KCNN3: variants seen among roughly 807,000 people sequenced by gnomAD.
KCNN3 encodes small conductance calcium-activated potassium channel protein 3.
In KCNN3, 16 loss-of-function variants were observed where a neutral mutation model predicts 62.9. That is an observed-to-expected ratio of 0.25 (90% CI 0.17 to 0.39). The LOEUF is 0.39. Among genes scored for constraint, KCNN3 ranks in the 10% least tolerant of loss-of-function variants. The pLI is 1.00. For synonymous variants in KCNN3, 370 were observed against 389.2 expected (o/e 0.95, Z 0.58); for missense variants, 599 against 949.4 (o/e 0.63, Z 4.85).
At chr1:154,711,829 T>C (rs1247450752) in intron 7 of KCNN3, among the ~76,000 whole-genome samples, 4 of 152,144 alleles carry the variant, frequency 2.6e-5, no homozygotes, top group African/African-American at 9.7e-5. Context: ...AACTATTATA[T>C]GTACTCTCTG....
intron 1 of KCNN3, among the ~76,000 whole-genome samples, chr1:154,827,343 TC>T (rs1466238193): frequency 1.3e-5 from 2 of 152,206 alleles, no homozygotes; most frequent in Non-Finnish European, 2.9e-5. Flanking sequence ...GTCGCTGTTC[TC>T]CATGGAGACC....
chr1:154,835,207 T>C (rs925289248), intron 1 of KCNN3, among the ~76,000 whole-genome samples: 1 of 152,248 alleles, frequency 6.6e-6, no homozygotes, highest in African/African-American at 2.4e-5. Flanking sequence ...AAACAGCCTA[T>C]GCAGAGGGTG....
intron 2 of KCNN3, among the ~76,000 whole-genome samples, chr1:154,808,143 G>A (rs997542709): frequency 2.0e-5 from 3 of 152,062 alleles, no homozygotes; most frequent in Admixed American, 6.5e-5. Context: ...TCCCTCTCCC[G>A]CCATCAGATC....
At chr1:154,731,844 C>G (rs1399309628) in intron 4 of KCNN3, among the ~76,000 whole-genome samples, 1 of 152,198 alleles carries the variant, frequency 6.6e-6, no homozygotes, top group Non-Finnish European at 1.5e-5. Flanking sequence ...TCCCCCAACA[C>G]TACCCAGGCT....
intron 2 of KCNN3, among the ~76,000 whole-genome samples, chr1:154,795,250 G>A (rs971077756): frequency 1.3e-5 from 2 of 152,206 alleles, no homozygotes; most frequent in Non-Finnish European, 2.9e-5. Flanking sequence ...TTGCCTTTGC[G>A]TAATCTGGGA....
intron 2 of KCNN3, among the ~76,000 whole-genome samples, chr1:154,778,311 C>T (rs1445124246): frequency 1.3e-5 from 2 of 152,172 alleles, no homozygotes; most frequent in Admixed American, 1.3e-4. Flanking sequence ...TAAGAATCAA[C>T]AAGGTTAGGC....
At chr1:154,829,406 A>G (rs1651287819) in intron 1 of KCNN3, among the ~76,000 whole-genome samples, 1 of 152,200 alleles carries the variant, frequency 6.6e-6, no homozygotes, top group African/African-American at 2.4e-5. Context: ...GGGTGAGGAC[A>G]TCTTTACCAC....
chr1:154,772,531 C>T lies in KCNN3; in HGVS notation c.1030-138G>A, dbSNP rs976112085. 8 of 790,164 alleles carry T rather than the reference C, an allele frequency of 1.0e-5. No homozygotes were observed. The highest frequency in any genetic ancestry group is 1.5e-5 in the Non-Finnish European group (7 of 465,224). 48.9% of individuals were successfully genotyped at this position (790,164 alleles called of 1,614,324 possible). Reference sequence around the variant, plus strand: ...ACCACCTCAGCATGCTCTTTAGGGGCCTTGCTATGTGGCAAGAGCCCTGTA... The same window carrying T: ...ACCACCTCAGCATGCTCTTTAGGGGTCTTGCTATGTGGCAAGAGCCCTGTA... On this transcript the variant is annotated intron_variant, in intron 2 of 7. Coordinates refer to ENST00000271915, the MANE Select transcript of KCNN3 (RefSeq NM_002249.6). The surrounding 1 kb of genome is among the most constrained non-coding windows in gnomAD (Gnocchi z 5.6).
chr1:154,813,970 C>T (rs916199115), intron 2 of KCNN3, among the ~76,000 whole-genome samples: 1 of 152,244 alleles, frequency 6.6e-6, no homozygotes, highest in Non-Finnish European at 1.5e-5. Context: ...ACCAAAATGT[C>T]ACACAGAGAC....
chr1:154,763,748 G>A (rs750635301), intron 3 of KCNN3, among the ~76,000 whole-genome samples: 1 of 152,178 alleles, frequency 6.6e-6, no homozygotes, highest in South Asian at 2.1e-4. Flanking sequence ...AATACAGCCC[G>A]AGCAACTTTT....
chr1:154,845,689 C>A (rs961019178), intron 1 of KCNN3, among the ~76,000 whole-genome samples: 2 of 152,072 alleles, frequency 1.3e-5, no homozygotes, highest in African/African-American at 4.8e-5. Context: ...CCCCCGCAAA[C>A]ACACACACAC....
At chr1:154,752,888 C>T (rs897172668) in intron 3 of KCNN3, among the ~76,000 whole-genome samples, 3 of 152,170 alleles carry the variant, frequency 2.0e-5, no homozygotes, top group Non-Finnish European at 4.4e-5. Context: ...TCTCCTCCCT[C>T]GGCCTGTGGT....
chr1:154,804,944 C>G (rs1435804829), intron 2 of KCNN3, among the ~76,000 whole-genome samples: 1 of 152,112 alleles, frequency 6.6e-6, no homozygotes, highest in Non-Finnish European at 1.5e-5. Flanking sequence ...ACACCGAAAA[C>G]ATAGTGAATT....
chr1:154,711,845 G>A (rs879919789), intron 7 of KCNN3, among the ~76,000 whole-genome samples: 1 of 152,144 alleles, frequency 6.6e-6, no homozygotes, highest in Non-Finnish European at 1.5e-5. Flanking sequence ...CTCTGAATTG[G>A]AGCCTGTTAC....
intron 2 of KCNN3, among the ~76,000 whole-genome samples, chr1:154,811,289 A>G (rs1306706149): frequency 6.6e-6 from 1 of 152,190 alleles, no homozygotes; most frequent in Non-Finnish European, 1.5e-5. Flanking sequence ...GAGGCACACA[A>G]GGCCACACAG....
rs574581040 is a variant in KCNN3 at position 154,848,259 on chromosome 1, C to G, written c.933+20773G>C. 2.3e-4 allele frequency among the ~76,000 whole-genome samples: 35 copies of G among 152,224 alleles called. 1 individual carries two copies. Among genetic ancestry groups the G allele is most frequent in the Middle Eastern group, 3.4e-3 (1 of 294 alleles). On this transcript the variant is annotated intron_variant, in intron 1 of 7. Coordinates refer to ENST00000271915, the MANE Select transcript of KCNN3 (RefSeq NM_002249.6). ...GGCGAGTGGGCCACGACAGTCACTT[C>G]GAGCCTCACACACAACTCAGATACC...
At chr1:154,733,639 G>A (rs1700647326) in intron 3 of KCNN3, among the ~76,000 whole-genome samples, 1 of 152,174 alleles carries the variant, frequency 6.6e-6, no homozygotes, top group Admixed American at 6.5e-5. Flanking sequence ...GGGTCTGGAG[G>A]GAAGCTGTGG....
chr1:154,763,400 C>T (rs901765439), intron 3 of KCNN3, among the ~76,000 whole-genome samples: 12 of 152,084 alleles, frequency 7.9e-5, no homozygotes, highest in African/African-American at 2.9e-4. Flanking sequence ...TGGGGTCTCC[C>T]TATGTTGCCC....
chr1:154,810,295 G>C (rs1049004774), intron 2 of KCNN3, among the ~76,000 whole-genome samples: 9 of 152,154 alleles, frequency 5.9e-5, no homozygotes, highest in African/African-American at 2.2e-4. Context: ...TGATGGCTTG[G>C]GGTTAGAGGC....
Sources: allele counts gnomAD v4.1 joint callset (sites outside exome capture counted in the v4.1 genomes callset), GRCh38; gene constraint gnomAD v4.1.1; non-coding constraint Gnocchi (gnomAD v3.1); transcripts MANE v1.5; gene names NCBI Gene and HGNC (gene_info 2026-07-23, HGNC 2026-07-21).